The following EDNRB variants were observed in gnomAD, a reference collection of about 807,000 sequenced individuals.
EDNRB encodes Hirschsprung disease 2.
In EDNRB, 18 loss-of-function variants were observed where a neutral mutation model predicts 46.4. That is an observed-to-expected ratio of 0.39 (90% CI 0.27 to 0.57). EDNRB has a LOEUF of 0.57. Among genes scored for constraint, EDNRB ranks in the 20% least tolerant of loss-of-function variants. The probability of loss-of-function intolerance (pLI) is 0.61; values close to 1 mark genes in which losing one functional copy is unlikely to be tolerated. For missense variants in EDNRB, 434 were observed against 537.5 expected (o/e 0.81, Z 1.90); for synonymous variants, 213 against 204.9 (o/e 1.04, Z -0.34).
chr13:77,899,930 C>A lies in EDNRB; in HGVS notation c.1123G>T (p.Ala375Ser), dbSNP rs1878848816. 1 of 1,611,888 alleles carries A rather than the reference C, an allele frequency of 6.2e-7. No homozygotes were observed. The highest frequency in any genetic ancestry group is 1.3e-5 in the African/African-American group (1 of 74,878). The change falls in exon 6 of 7, where the codon GCT becomes TCT. Residue 375 changes from alanine to serine, a missense_variant. Ala to Ser is a moderately conservative substitution (Grantham distance 99, BLOSUM62 1). Transcript: ENST00000646607. Reference sequence around the variant, plus strand: ...GGGTTAATGCAGGAATTCAGTGAAGCCATGTTGATACCAATATAGTCCAAT... The same window carrying A: ...GGGTTAATGCAGGAATTCAGTGAAGACATGTTGATACCAATATAGTCCAAT... ...LVLDYIGINM[A>S]SLNSCINPIA...
intron 1 of EDNRB, among the ~76,000 whole-genome samples, chr13:77,908,029 A>AC (rs1879371067): frequency 7.6e-5 from 3 of 39,354 alleles, no homozygotes; most frequent in African/African-American, 3.0e-4. Context: ...TGCAAAAAAA[A>AC]AAAAAAAAAA....
At chr13:77,949,215 T>C (rs908670394) in intron 1 of EDNRB, among the ~76,000 whole-genome samples, 18 of 152,302 alleles carry the variant, frequency 1.2e-4, no homozygotes, top group African/African-American at 4.3e-4. Flanking sequence ...GGAGGGAATT[T>C]AGGTGACAGA....
Position 77,897,144 on chromosome 13 carries a change from C to G in EDNRB, c.*1056G>C. 1.0e-6 allele frequency: 1 copy of G among 985,570 alleles called. No homozygotes were observed. Among genetic ancestry groups the G allele is most frequent in the South Asian group, 4.7e-5 (1 of 21,284 alleles). 61.1% of individuals were successfully genotyped at this position (985,570 alleles called of 1,614,324 possible). A position where few individuals can be genotyped will look rare whatever the true frequency, so the allele number is the denominator to read the frequency against. On this transcript the variant is annotated 3_prime_UTR_variant, in exon 7 of 7. Transcript: ENST00000646607. The stretch of plus-strand genomic sequence containing the variant: ...TACCTGCCCCTTTGTCATGTGGACA[C>G]TGCACCAGGCAGTTCACAGTCTTTA...
upstream of EDNRB, among the ~76,000 whole-genome samples, chr13:77,920,166 A>G (rs939254349): frequency 6.6e-6 from 1 of 152,136 alleles, no homozygotes; most frequent in African/African-American, 2.4e-5. Flanking sequence ...GCATTTTTAT[A>G]CTGTACCTAT....
chr13:77,946,675 T>C (rs1007404663), intron 1 of EDNRB, among the ~76,000 whole-genome samples: 4 of 152,222 alleles, frequency 2.6e-5, no homozygotes, highest in Admixed American at 2.6e-4. Context: ...CTAGAGAGAC[T>C]GATCCACAAA....
chr13:77,899,514 C>T, intron 6 of EDNRB: 1 of 213,170 alleles, frequency 4.7e-6, no homozygotes, highest in Non-Finnish European at 9.5e-6. Context: ...TCAGAATCTA[C>T]CAAAAACAGG....
At position 77,946,625 on chromosome 13, in the gene EDNRB, G is replaced by C. The variant is rs532145697; in HGVS notation, c.-51-28001C>G. On this transcript the variant is annotated intron_variant, in intron 1 of 7. Transcript: ENST00000646948. Reference sequence around the variant, plus strand: ...TCTATGTTGGTGGCTCCATGTGACAGGCTAGATGATAACCTCAGCCACAGG... The same window carrying C: ...TCTATGTTGGTGGCTCCATGTGACACGCTAGATGATAACCTCAGCCACAGG... Among the ~76,000 whole-genome samples, 21 of 152,272 alleles carry C rather than the reference G, an allele frequency of 1.4e-4. No homozygotes were observed. The South Asian group carries it at 4.3e-3, about 32-fold the overall frequency.
upstream of EDNRB, chr13:77,919,637 C>T (rs1430081785): frequency 1.9e-6 from 3 of 1,577,546 alleles, no homozygotes; most frequent in Admixed American, 1.8e-5. Flanking sequence ...CATCAATCAC[C>T]GCCAGACTCC....
rs1280900661 is a variant in EDNRB at position 77,918,338 on chromosome 13, C to G, written c.236G>C (p.Gly79Ala). 1 of 1,613,912 alleles carries G rather than the reference C, an allele frequency of 6.2e-7. No individual in the cohort carries two copies. Among genetic ancestry groups the G allele is most frequent in the East Asian group, 2.2e-5 (1 of 44,842 alleles). ...AGGGGAGATGGTGCGTGGCGGAGAT[C>G]CTGCCGTCCTGTCTCCTTTAGGCAC... ...AEVPKGDRTA[G>A]SPPRTISPPP... Residue 79 changes from glycine (G) to alanine (A), a missense_variant, in exon 1 of 7, where the codon GGA (glycine) becomes GCA (alanine). Transcript: ENST00000646607. The surrounding 1 kb of genome is among the most constrained non-coding windows in gnomAD (Gnocchi z 4.5).
chr13:77,965,965 C>G (rs776130675), intron 1 of EDNRB, among the ~76,000 whole-genome samples: 1 of 152,134 alleles, frequency 6.6e-6, no homozygotes, highest in African/African-American at 2.4e-5. Flanking sequence ...CAGCCTCAAC[C>G]TTTTGGTCTC....
rs539216133 is a variant in EDNRB, at chr13:77,960,911, A to G, written c.-52+14436T>C. ...TTGCAATCCTAGTCTCTGATAAAAC[A>G]GACTTTAAACCAACAAAGATCAAAA... On this transcript the variant is annotated intron_variant, in intron 1 of 7. Transcript: ENST00000646948. Among the ~76,000 whole-genome samples the G allele has an allele frequency of 6.6e-5, 10 of 151,974 alleles. No homozygotes were observed. In the East Asian group the frequency reaches 1.9e-3, roughly 29 times the overall value.
Position 77,896,693 on chromosome 13 carries a change from C to A in EDNRB, c.*1507G>T. On this transcript the variant is annotated 3_prime_UTR_variant, in exon 7 of 7. Coordinates refer to ENST00000646607, the MANE Select transcript of EDNRB (RefSeq NM_001122659.3). Reference sequence around the variant, plus strand: ...GCTGGAACAAAATCAGGACCTTTTGCATTGATGTGACGAGGCAATGACGAA... The same window carrying A: ...GCTGGAACAAAATCAGGACCTTTTGAATTGATGTGACGAGGCAATGACGAA... The A allele has an allele frequency of 6.9e-7, 1 of 1,441,654 alleles. No homozygotes were observed. The highest frequency in any genetic ancestry group is 9.1e-7 in the Non-Finnish European group (1 of 1,103,214). 89.3% of individuals were successfully genotyped at this position (1,441,654 alleles called of 1,614,324 possible). A position where few individuals can be genotyped will look rare whatever the true frequency, so the allele number is the denominator to read the frequency against.
chr13:77,968,429 C>T (rs1881639628), intron 1 of EDNRB, among the ~76,000 whole-genome samples: 1 of 151,892 alleles, frequency 6.6e-6, no homozygotes, highest in South Asian at 2.1e-4. Flanking sequence ...GGCCCTAGTG[C>T]TTACATAAAA....
At chr13:77,912,098 G>A (rs1446026345) in intron 1 of EDNRB, among the ~76,000 whole-genome samples, 2 of 152,090 alleles carry the variant, frequency 1.3e-5, no homozygotes, top group Non-Finnish European at 2.9e-5. Context: ...CTGGCCTGGA[G>A]ACAACAGGGT....
upstream of EDNRB, among the ~76,000 whole-genome samples, chr13:77,924,702 C>G (rs915599408): frequency 2.0e-5 from 3 of 152,060 alleles, no homozygotes; most frequent in African/African-American, 7.2e-5. Context: ...TTCTGTGTCC[C>G]CACTCAAATC....
intron 1 of EDNRB, among the ~76,000 whole-genome samples, chr13:77,904,336 T>A (rs1276525876): frequency 1.3e-5 from 2 of 152,002 alleles, no homozygotes; most frequent in Non-Finnish European, 2.9e-5. Flanking sequence ...CCCTACTCTC[T>A]TTTCCTTTTT....
At chr13:77,907,984 A>G (rs111977069) in intron 1 of EDNRB, among the ~76,000 whole-genome samples, 1,539 of 127,606 alleles carry the variant, frequency 0.012, 20 homozygotes, top group Middle Eastern at 0.042. Context: ...GAGAGATTAC[A>G]GTTTTCTAGT....
chr13:77,971,280 T>G (rs1286130463), intron 1 of EDNRB, among the ~76,000 whole-genome samples: 1 of 152,234 alleles, frequency 6.6e-6, no homozygotes. Context: ...ATTTGTTAAC[T>G]AATGATGTCC....
At chr13:77,970,910 C>T (rs1296717557) in intron 1 of EDNRB, among the ~76,000 whole-genome samples, 1 of 152,142 alleles carries the variant, frequency 6.6e-6, no homozygotes, top group East Asian at 1.9e-4. Flanking sequence ...GTCCTTACTG[C>T]ACAAGTCCAA....
Sources: gnomAD v4.1 joint callset for allele counts (sites outside exome capture counted in the v4.1 genomes callset) on GRCh38, gnomAD v4.1.1 for gene constraint, Gnocchi (gnomAD v3.1) non-coding constraint, MANE v1.5 for transcripts, NCBI Gene and HGNC (gene_info 2026-07-23, HGNC 2026-07-21) for gene names.